The following PTPN14 variants were observed in gnomAD, a reference collection of about 807,000 sequenced individuals.
PTPN14 encodes protein tyrosine phosphatase non-receptor type 14.
PTPN14 carries 53 observed loss-of-function variants against 126.8 expected under a neutral mutation model. That is an observed-to-expected ratio of 0.42 (90% CI 0.34 to 0.53). The LOEUF is 0.53. Ranked by LOEUF, PTPN14 falls within the 20% of genes least tolerant of loss-of-function variation. The probability of loss-of-function intolerance (pLI) is 0.08; values close to 1 mark genes in which losing one functional copy is unlikely to be tolerated. For synonymous variants in PTPN14, 630 were observed against 599.3 expected, an observed-to-expected ratio of 1.05 and a Z score of -0.75; for missense variants, 1,257 against 1,552.9, an observed-to-expected ratio of 0.81 and a Z score of 3.20.
intron 7 of PTPN14, among the ~76,000 whole-genome samples, chr1:214,400,373 C>T (rs1658987678): frequency 6.6e-6 from 1 of 152,142 alleles, no homozygotes; most frequent in Non-Finnish European, 1.5e-5. Flanking sequence ...AAGAGGCAGT[C>T]CAGCTCAGTT....
In PTPN14 at chr1:214,447,382, G is replaced by A. The variant is rs371259137; in HGVS notation, c.344+4423C>T. Among the ~76,000 whole-genome samples the A allele has an allele frequency of 1.1e-4, 17 of 152,040 alleles. No homozygotes were observed. The East Asian group carries it at 1.9e-3, about 17-fold the overall frequency. On this transcript the variant is annotated intron_variant, in intron 3 of 18. Transcript: ENST00000366956. ...ATCTGTCCATCTCCAACACCACACC[G>A]AGAAAACTCAAGCATTTAAAAATGT...
intron 15 of PTPN14, among the ~76,000 whole-genome samples, chr1:214,374,549 T>A (rs1011423094): frequency 6.6e-6 from 1 of 152,244 alleles, no homozygotes; most frequent in African/African-American, 2.4e-5. Flanking sequence ...CTGAGGTAGA[T>A]TTCACACATG....
In PTPN14 at chr1:214,356,105, C is replaced by T. The variant is rs1284359360; in HGVS notation, c.*1817G>A. On this transcript the variant is annotated 3_prime_UTR_variant, in exon 19 of 19. Transcript: ENST00000366956. ...TCCCGAGCAGCTGGGACTACCAGGG[C>T]ATACCACCACGCCTGGCTAATTTTT... The T allele has an allele frequency of 1.3e-5, 2 of 152,020 alleles. No homozygotes were observed. The highest frequency in any genetic ancestry group is 2.9e-5 in the Non-Finnish European group (2 of 68,070). 9.4% of individuals were successfully genotyped at this position (152,020 alleles called of 1,614,324 possible). A position where few individuals can be genotyped will look rare whatever the true frequency, so the allele number is the denominator to read the frequency against.
chr1:214,464,485 C>G, intron 2 of PTPN14, 145 bp downstream of exon 2: 2 of 1,090,098 alleles, frequency 1.8e-6, no homozygotes, highest in South Asian at 1.7e-5. Context: ...CTAAGAATAA[C>G]AGGATTCTTA....
chr1:214,530,220 G>T (rs1655505600), intron 1 of PTPN14: 1 of 152,132 alleles, frequency 6.6e-6, no homozygotes, highest in Non-Finnish European at 1.5e-5. Context: ...AAGTATTAGG[G>T]AGTGAACATG....
At chr1:214,426,788 A>G (rs1437302324) in intron 3 of PTPN14, among the ~76,000 whole-genome samples, 2 of 152,154 alleles carry the variant, frequency 1.3e-5, no homozygotes, top group African/African-American at 4.8e-5. Flanking sequence ...CTCTTTAGGA[A>G]CCAAAAATTC....
At chr1:214,463,483 T>C (rs1307804399) in intron 2 of PTPN14, among the ~76,000 whole-genome samples, 1 of 152,138 alleles carries the variant, frequency 6.6e-6, no homozygotes, top group East Asian at 1.9e-4. Flanking sequence ...AACCAAAGTA[T>C]AAACACCAAG....
At chr1:214,359,127 T>C (rs537224896) in intron 18 of PTPN14, among the ~76,000 whole-genome samples, 1 of 152,308 alleles carries the variant, frequency 6.6e-6, no homozygotes, top group African/African-American at 2.4e-5. Flanking sequence ...AGTGAGATAA[T>C]TTAAGTGTAA....
At chr1:214,406,821 T>C (rs528767484) in intron 5 of PTPN14, among the ~76,000 whole-genome samples, 2 of 152,312 alleles carry the variant, frequency 1.3e-5, no homozygotes, top group South Asian at 4.1e-4. Flanking sequence ...CTCATAAATA[T>C]CATGCTGGTA....
rs66656875 is a variant in PTPN14, at chr1:214,426,032, CAAAAAAAAAAAAAAAA to C, written c.345-11322_345-11307del. Among the ~76,000 whole-genome samples the C allele has an allele frequency of 5.9e-5, 2 of 33,850 alleles. 1 individual carries two copies. Among genetic ancestry groups the C allele is most frequent in the Non-Finnish European group, 1.0e-4 (2 of 19,948 alleles). 22.2% of individuals were successfully genotyped at this position (33,850 alleles called of 152,430 possible). A position where few individuals can be genotyped will look rare whatever the true frequency, so the allele number is the denominator to read the frequency against. ...TTTCTACAATCTGGAGCATAAATCG[CAAAAAAAAAAAAAAAA>C]AAAAAAAAAAGGAAGGAAGAAGAGA... On this transcript the variant is annotated intron_variant, in intron 3 of 18. Coordinates refer to ENST00000366956, the MANE Select transcript of PTPN14 (RefSeq NM_005401.5).
intron 1 of PTPN14, among the ~76,000 whole-genome samples, chr1:214,504,710 C>T (rs1654790295): frequency 6.6e-6 from 1 of 152,132 alleles, no homozygotes; most frequent in African/African-American, 2.4e-5. Context: ...AGGCAAGGCA[C>T]CAGCCTGAAT....
At position 214,364,480 on chromosome 1, in the gene PTPN14, G is replaced by A; in HGVS notation, c.3435+32C>T. On this transcript the variant is annotated intron_variant, in intron 18 of 18. Coordinates refer to ENST00000366956, the MANE Select transcript of PTPN14 (RefSeq NM_005401.5). This position sits in a 1 kb window ranked among gnomAD's most constrained non-coding sequence, Gnocchi z 4.1. ...AGGGTGTAGACTTGTCCCCAAGGTG[G>A]AGTATCCGGAGAGAAGCCCAGAATG... 2 of 1,605,524 alleles carry A rather than the reference G, an allele frequency of 1.2e-6. No homozygotes were observed. Among genetic ancestry groups the A allele is most frequent in the Non-Finnish European group, 8.5e-7 (1 of 1,174,674 alleles).
At position 214,372,818 on chromosome 1, in the gene PTPN14, A is replaced by G. The variant is rs1360603374; in HGVS notation, c.2929T>C (p.Trp977Arg). Residue 977 changes from tryptophan to arginine, a missense_variant, in exon 16 of 19, where the codon TGG becomes CGG. This residue lies in a region of PTPN14 where 65 missense variants were observed against 139.7 expected (regional missense o/e 0.47). Coordinates refer to ENST00000366956, the MANE Select transcript of PTPN14 (RefSeq NM_005401.5). ...HIKVVVGGAE[W>R]HYIATQGPLP... ...GGCCCCTGGGTGGCTATGTAGTGCC[A>G]TTCTGCCCCGCCAACCACCACCTAA... The G allele has an allele frequency of 6.8e-6, 11 of 1,614,040 alleles. No individual in the cohort carries two copies. In the South Asian group the frequency reaches 1.1e-4, roughly 16 times the overall value.
At position 214,508,869 on chromosome 1, in the gene PTPN14, T is replaced by C. The variant is rs150002566; in HGVS notation, c.-155+42314A>G. The stretch of plus-strand genomic sequence containing the variant: ...TTCTTATACATCTCCATCAGAACTC[T>C]TGGGTGACAAGATGCATTGTCAATG... On this transcript the variant is annotated intron_variant, in intron 1 of 18. Coordinates refer to ENST00000366956, the MANE Select transcript of PTPN14 (RefSeq NM_005401.5). 1.4e-4 allele frequency among the ~76,000 whole-genome samples: 22 copies of C among 152,334 alleles called. No individual in the cohort carries two copies. In the East Asian group the frequency reaches 4.0e-3, roughly 28 times the overall value.
chr1:214,489,506 T>C (rs1407016022), intron 1 of PTPN14, among the ~76,000 whole-genome samples: 3 of 152,312 alleles, frequency 2.0e-5, no homozygotes, highest in East Asian at 1.9e-4. Context: ...CAACTCCTAT[T>C]TGTCTTTCAG....
intron 3 of PTPN14, among the ~76,000 whole-genome samples, chr1:214,446,385 A>G (rs1045100308): frequency 1.3e-5 from 2 of 152,190 alleles, no homozygotes; most frequent in African/African-American, 4.8e-5. Flanking sequence ...CAACACAATC[A>G]TAGTGTCTTG....
At chr1:214,487,800 G>T (rs115498562) in intron 1 of PTPN14, among the ~76,000 whole-genome samples, 463 of 152,324 alleles carry the variant, frequency 3.0e-3, no homozygotes, top group Admixed American at 5.3e-3. Flanking sequence ...TGGCTGGGTT[G>T]TAAGGCCCCT....
chr1:214,358,900 G>A lies in PTPN14; in HGVS notation c.3436-850C>T, dbSNP rs372695652. Reference sequence around the variant, plus strand: ...TGGGATTACAGGTGCGCACCACCACGCCCGGCTAATTTTTTGTATTTTTAG... The same window carrying A: ...TGGGATTACAGGTGCGCACCACCACACCCGGCTAATTTTTTGTATTTTTAG... On this transcript the variant is annotated intron_variant, in intron 18 of 18. Transcript: ENST00000366956. Among the ~76,000 whole-genome samples the A allele has an allele frequency of 1.7e-3, 260 of 151,594 alleles. 11 individuals carry two copies. The South Asian group carries it at 0.049, about 29-fold the overall frequency.
At chr1:214,430,502 A>G (rs1659775139) in intron 3 of PTPN14, among the ~76,000 whole-genome samples, 1 of 152,218 alleles carries the variant, frequency 6.6e-6, no homozygotes, top group Non-Finnish European at 1.5e-5. Flanking sequence ...CTTTGAGTAA[A>G]GCAGAATGCT....
Sources: allele counts gnomAD v4.1 joint callset (sites outside exome capture counted in the v4.1 genomes callset), GRCh38; gene constraint gnomAD v4.1.1; regional missense constraint gnomAD v4.1.1; non-coding constraint Gnocchi (gnomAD v3.1); transcripts MANE v1.5; gene names NCBI Gene and HGNC (gene_info 2026-07-23, HGNC 2026-07-21).